The following USP14 variants were observed in gnomAD, a reference collection of about 807,000 sequenced individuals.
USP14 encodes the protein ubiquitin carboxyl-terminal hydrolase 14.
USP14 carries 38 observed loss-of-function variants against 76.5 expected under a neutral mutation model. That is an observed-to-expected ratio of 0.50 (90% CI 0.38 to 0.65). The LOEUF is 0.65. Among genes scored for constraint, USP14 ranks in the 30% least tolerant of loss-of-function variants. The probability of loss-of-function intolerance (pLI) is 0.00; values close to 1 mark genes in which losing one functional copy is unlikely to be tolerated. For synonymous variants in USP14, 192 were observed against 191.7 expected, an observed-to-expected ratio of 1.00 and a Z score of -0.01; for missense variants, 467 against 586.5, an observed-to-expected ratio of 0.80 and a Z score of 2.10.
In USP14 at chr18:204,635, T is replaced by C. The variant is rs1910477936; in HGVS notation, c.1107T>C (p.Ser369=). 6.2e-7 allele frequency: 1 copy of C among 1,613,506 alleles called. No individual in the cohort carries two copies. The highest frequency in any genetic ancestry group is 1.7e-5 in the Admixed American group (1 of 59,942). ...CAGAACTTCAAGAGAAAATGGTGTC[T>C]TTTCGATCCAAATTCAAGGATCTAG... ...CTPELQEKMV[S]FRSKFKDLED... Residue 369 remains serine, a synonymous_variant, in exon 13 of 16, where the codon TCT becomes TCC. Coordinates refer to ENST00000261601, the MANE Select transcript of USP14 (RefSeq NM_005151.4).
intron 3 of USP14, 107 bp downstream of exon 3, chr18:166,926 C>A: frequency 1.1e-6 from 1 of 952,300 alleles, no homozygotes. Context: ...TGTTCCAGCA[C>A]TATCTGTTGA....
intron 12 of USP14, among the ~76,000 whole-genome samples, chr18:203,964 CT>C (rs1910456703): frequency 6.6e-6 from 1 of 152,114 alleles, no homozygotes; most frequent in Non-Finnish European, 1.5e-5. Context: ...CAGAATCTGA[CT>C]GTTTTTGTTG....
chr18:164,942 CTATTAT>C (rs932772115), intron 2 of USP14, among the ~76,000 whole-genome samples: 1 of 152,104 alleles, frequency 6.6e-6, no homozygotes, highest in East Asian at 1.9e-4. Flanking sequence ...AAGAAGATAT[CTATTAT>C]TATTATTATT....
At chr18:209,879 A>C in intron 13 of USP14, 92 bp from the exon 14 acceptor site, 1 of 937,480 alleles carries the variant, frequency 1.1e-6, no homozygotes, top group Non-Finnish European at 1.6e-6. Context: ...TGCACTGTAG[A>C]CAGTAAATAT....
chr18:162,778 TCTA>T (rs1182898361), intron 1 of USP14, among the ~76,000 whole-genome samples: 2 of 152,000 alleles, frequency 1.3e-5, no homozygotes, highest in East Asian at 3.8e-4. Context: ...AGCAAATCAA[TCTA>T]CTTCTCTGAA....
At chr18:189,857 G>A (rs913883351) in intron 5 of USP14, among the ~76,000 whole-genome samples, 2 of 152,030 alleles carry the variant, frequency 1.3e-5, no homozygotes, top group African/African-American at 4.8e-5. Context: ...ATTGTCCCAG[G>A]GTGAACACAT....
At position 174,987 on chromosome 18, in the gene USP14, G is replaced by A. The variant is rs564826262; in HGVS notation, c.196-3946G>A. ...GATGGGGTTTTGCCATGTTGGCCAGGCTGTTCTCGAACTGGTCTCAAGCAA... is the reference window on the plus strand; with the variant it reads ...GATGGGGTTTTGCCATGTTGGCCAGACTGTTCTCGAACTGGTCTCAAGCAA... On this transcript the variant is annotated intron_variant, in intron 3 of 15. Transcript: ENST00000261601. 2.0e-5 allele frequency among the ~76,000 whole-genome samples: 3 copies of A among 152,156 alleles called. No homozygotes were observed. In the South Asian group the frequency reaches 6.2e-4, roughly 32 times the overall value.
At chr18:193,434 G>A (rs1910146482) in intron 6 of USP14, among the ~76,000 whole-genome samples, 1 of 151,974 alleles carries the variant, frequency 6.6e-6, no homozygotes, top group African/African-American at 2.4e-5. Context: ...CTCTCTAACA[G>A]CTTTATTGAT....
rs139597169 is a variant in USP14, at chr18:201,049, C to T, written c.876+1733C>T. Among the ~76,000 whole-genome samples the T allele has an allele frequency of 7.2e-3, 1,100 of 152,274 alleles. 13 individuals carry two copies. Among genetic ancestry groups the T allele is most frequent in the African/African-American group, 0.026 (1,062 of 41,552 alleles). ...ATCTCCTGACCTTGTGATCCGCCCACCTCGGCCTCCCAAAGTGCTGGGATT... is the reference window on the plus strand; with the variant it reads ...ATCTCCTGACCTTGTGATCCGCCCATCTCGGCCTCCCAAAGTGCTGGGATT... On this transcript the variant is annotated intron_variant, in intron 10 of 15. Coordinates refer to ENST00000261601, the MANE Select transcript of USP14 (RefSeq NM_005151.4).
intron 5 of USP14, among the ~76,000 whole-genome samples, chr18:183,425 G>A (rs572874231): frequency 2.6e-5 from 4 of 151,410 alleles, no homozygotes; most frequent in African/African-American, 7.3e-5. Context: ...GACTCTTGTC[G>A]CAAACTCTAG....
intron 6 of USP14, among the ~76,000 whole-genome samples, chr18:193,222 CATT>C (rs1910140135): frequency 6.6e-6 from 1 of 152,046 alleles, no homozygotes; most frequent in South Asian, 2.1e-4. Context: ...ATCCATGTAT[CATT>C]ATAAAAGAGG....
intron 1 of USP14, among the ~76,000 whole-genome samples, chr18:161,571 C>T (rs935267264): frequency 6.6e-6 from 1 of 152,074 alleles, no homozygotes; most frequent in Non-Finnish European, 1.5e-5. Context: ...TAGCCTCCTC[C>T]CACCCCCCCA....
chr18:173,098 A>G (rs1369682835), intron 3 of USP14, among the ~76,000 whole-genome samples: 1 of 148,388 alleles, frequency 6.7e-6, no homozygotes, highest in Non-Finnish European at 1.5e-5. Flanking sequence ...ATTTAGATAT[A>G]TTGTCTGTCT....
chr18:204,715 A>G, intron 13 of USP14, 23 bp downstream of exon 13: 1 of 1,604,074 alleles, frequency 6.2e-7, no homozygotes, highest in Non-Finnish European at 8.5e-7. Context: ...TGCTGACTTT[A>G]TACTCTTAAT....
At chr18:179,800 C>T (rs933205257) in intron 4 of USP14, among the ~76,000 whole-genome samples, 2 of 150,714 alleles carry the variant, frequency 1.3e-5, no homozygotes, top group East Asian at 1.9e-4. Context: ...GGGGTCTTGC[C>T]GTGTTGCCTA....
chr18:179,023 C>G lies in USP14; in HGVS notation c.286C>G (p.Gln96Glu), dbSNP rs1232112546. ...TVFVEDMTEEQLASAMELPCG... is the reference protein window; with the variant it reads ...TVFVEDMTEEELASAMELPCG... ...CTTCGTAGAAGACATGACAGAAGAA[C>G]AGTTAGCATCTGCTGTAAGACACAC... Residue 96 changes from glutamine to glutamate, a missense_variant, in exon 4 of 16, where the codon CAG becomes GAG. Coordinates refer to ENST00000261601, the MANE Select transcript of USP14 (RefSeq NM_005151.4). 16 of 1,608,744 alleles carry G rather than the reference C, an allele frequency of 9.9e-6. No individual in the cohort carries two copies. The highest frequency in any genetic ancestry group is 1.4e-5 in the Non-Finnish European group (16 of 1,178,330).
intron 3 of USP14, among the ~76,000 whole-genome samples, chr18:177,077 C>A (rs1909647624): frequency 6.6e-6 from 1 of 151,998 alleles, no homozygotes; most frequent in South Asian, 2.1e-4. Flanking sequence ...GTCATGTCTT[C>A]CAGTTTATTT....
At chr18:167,605 A>G (rs1598263338) in intron 3 of USP14, among the ~76,000 whole-genome samples, 2 of 152,044 alleles carry the variant, frequency 1.3e-5, no homozygotes, top group East Asian at 3.9e-4. Context: ...TCCCAGCCTC[A>G]AGCAGTCCTT....
At chr18:165,781 T>G (rs1353021739) in intron 2 of USP14, among the ~76,000 whole-genome samples, 1 of 152,164 alleles carries the variant, frequency 6.6e-6, no homozygotes, top group Non-Finnish European at 1.5e-5. Context: ...TTCATTATGT[T>G]TAGCAGTCAT....
Sources: gnomAD v4.1 joint callset for allele counts (sites outside exome capture counted in the v4.1 genomes callset) on GRCh38, gnomAD v4.1.1 for gene constraint, MANE v1.5 for transcripts, NCBI Gene and HGNC (gene_info 2026-07-23, HGNC 2026-07-21) for gene names.